Variants in SDC2 observed in about 807,000 individuals in gnomAD.
The protein encoded by SDC2 is syndecan 2.
In SDC2, 13 loss-of-function variants were observed where a neutral mutation model predicts 22.2. That is an observed-to-expected ratio of 0.59 (90% CI 0.38 to 0.93). SDC2 has a LOEUF of 0.93. SDC2 is among the 40% of genes least tolerant of loss of function. SDC2 has a pLI of 0.00. For missense variants in SDC2, 235 were observed against 246.8 expected (o/e 0.95, Z 0.32); for synonymous variants, 94 against 92.8 (o/e 1.01, Z -0.07).
chr8:96,601,179 C>T lies in SDC2; in HGVS notation c.173-1216C>T, dbSNP rs1219108772. Among the ~76,000 whole-genome samples the T allele has an allele frequency of 4.6e-5, 7 of 152,062 alleles. No homozygotes were observed. In the East Asian group the frequency reaches 7.7e-4, roughly 17 times the overall value. ...AGGAAGTTCTTCTACTAGAGGAAGGCGATTCTGAAGAGTGCCATTGGGTGC... is the reference window on the plus strand; with the variant it reads ...AGGAAGTTCTTCTACTAGAGGAAGGTGATTCTGAAGAGTGCCATTGGGTGC... On this transcript the variant is annotated intron_variant, in intron 2 of 4. Transcript: ENST00000302190.
Position 96,530,761 on chromosome 8 carries a change from T to G in SDC2, c.60+36430T>G, listed in dbSNP as rs551240048. On this transcript the variant is annotated intron_variant, in intron 1 of 4. Transcript: ENST00000302190. ...TAACAAATGAAGATAATAAGAAATATTGTTTTATATTGTTTATAAAGCACT... is the reference window on the plus strand; with the variant it reads ...TAACAAATGAAGATAATAAGAAATAGTGTTTTATATTGTTTATAAAGCACT... 2.7e-4 allele frequency among the ~76,000 whole-genome samples: 41 copies of G among 152,380 alleles called. 1 individual carries two copies. The South Asian group carries it at 8.3e-3, about 31-fold the overall frequency.
chr8:96,578,744 T>A (rs1814543422), intron 1 of SDC2, among the ~76,000 whole-genome samples: 1 of 152,160 alleles, frequency 6.6e-6, no homozygotes, highest in Non-Finnish European at 1.5e-5. Flanking sequence ...GATCAGCTAG[T>A]GTTAAGGAGT....
intron 1 of SDC2, among the ~76,000 whole-genome samples, chr8:96,581,788 C>T (rs542479628): frequency 9.9e-5 from 15 of 152,134 alleles, no homozygotes; most frequent in East Asian, 5.8e-4. Flanking sequence ...GCTTTGGCCA[C>T]GTGTCAGTTT....
In SDC2 at chr8:96,503,401, A is replaced by G. The variant is rs544757712; in HGVS notation, c.60+9070A>G. ...GAAGGGTATTTATAACTTAGAAACT[A>G]TAGTACACAAAAAGTTAGATATAAA... On this transcript the variant is annotated intron_variant, in intron 1 of 4. Coordinates refer to ENST00000302190, the MANE Select transcript of SDC2 (RefSeq NM_002998.4). Among the ~76,000 whole-genome samples the G allele has an allele frequency of 3.9e-5, 6 of 152,284 alleles. No homozygotes were observed. In the South Asian group the frequency reaches 1.0e-3, roughly 26 times the overall value.
chr8:96,498,673 T>G (rs1269112575), intron 1 of SDC2, among the ~76,000 whole-genome samples: 1 of 152,086 alleles, frequency 6.6e-6, no homozygotes, highest in Non-Finnish European at 1.5e-5. Flanking sequence ...GTATTTTTAG[T>G]AGGGATGGGG....
At chr8:96,533,410 A>G (rs1478793108) in intron 1 of SDC2, among the ~76,000 whole-genome samples, 1 of 152,200 alleles carries the variant, frequency 6.6e-6, no homozygotes, top group Non-Finnish European at 1.5e-5. Context: ...TCCCTGAGCT[A>G]GACACAAAAA....
intron 1 of SDC2, among the ~76,000 whole-genome samples, chr8:96,535,006 A>ATT (rs774258378): frequency 0.05 from 7,206 of 142,896 alleles, 537 homozygotes; most frequent in African/African-American, 0.17. Context: ...ATGCCAAACA[A>ATT]TTTTTTTTTT....
chr8:96,582,544 G>A (rs1814606070), intron 1 of SDC2, among the ~76,000 whole-genome samples: 1 of 152,164 alleles, frequency 6.6e-6, no homozygotes, highest in Non-Finnish European at 1.5e-5. Context: ...CAGGCTCCCA[G>A]TATAAGGAAC....
chr8:96,611,645 C>T lies in SDC2; in HGVS notation c.*2097C>T, dbSNP rs1815177324. ...GTGCAAAGCAGAGTGAAATTCAATT[C>T]ATAGAATAACAACTGCTGGGAATAT... On this transcript the variant is annotated 3_prime_UTR_variant, in exon 5 of 5. Coordinates refer to ENST00000302190, the MANE Select transcript of SDC2 (RefSeq NM_002998.4). 6.6e-6 allele frequency: 1 copy of T among 152,556 alleles called. No individual in the cohort carries two copies. Among genetic ancestry groups the T allele is most frequent in the Non-Finnish European group, 1.5e-5 (1 of 68,032 alleles). The allele number at this position is 152,556 out of a possible 1,614,324, so 9.5% of individuals were successfully genotyped here.
chr8:96,551,097 C>G (rs1485479358), intron 1 of SDC2, among the ~76,000 whole-genome samples: 3 of 152,180 alleles, frequency 2.0e-5, no homozygotes, highest in African/African-American at 4.8e-5. Context: ...AGATGGCTCT[C>G]CCTGGGGAGT....
chr8:96,543,678 T>C (rs970698921), intron 1 of SDC2, among the ~76,000 whole-genome samples: 14 of 152,194 alleles, frequency 9.2e-5, no homozygotes, highest in Non-Finnish European at 1.2e-4. Context: ...GCATCCTGTG[T>C]CTTTCCATTT....
At chr8:96,541,670 A>G (rs1287612065) in intron 1 of SDC2, among the ~76,000 whole-genome samples, 3 of 144,136 alleles carry the variant, frequency 2.1e-5, no homozygotes, top group African/African-American at 2.5e-5. Flanking sequence ...AGAAAGTACA[A>G]TGGCGGCTGC....
At chr8:96,522,910 ATTAGCTTTATACAAATGAG>A (rs1388581076) in intron 1 of SDC2, among the ~76,000 whole-genome samples, 1 of 152,148 alleles carries the variant, frequency 6.6e-6, no homozygotes, top group Non-Finnish European at 1.5e-5. Flanking sequence ...CTATTTCTGG[ATTAGCTTTATACAAATGAG>A]TGTATTTCCC....
chr8:96,609,156 A>T (rs1387906203), intron 4 of SDC2, among the ~76,000 whole-genome samples: 1 of 152,172 alleles, frequency 6.6e-6, no homozygotes, highest in Non-Finnish European at 1.5e-5. Context: ...TTTCTTATCG[A>T]GGTTTTTGGG....
chr8:96,567,720 T>C (rs1814323969), intron 1 of SDC2, among the ~76,000 whole-genome samples: 1 of 152,246 alleles, frequency 6.6e-6, no homozygotes, highest in South Asian at 2.1e-4. Flanking sequence ...TTAAGAATCA[T>C]AAGAATAATT....
intron 1 of SDC2, among the ~76,000 whole-genome samples, chr8:96,573,529 C>G (rs1373608422): frequency 6.6e-6 from 1 of 152,028 alleles, no homozygotes; most frequent in African/African-American, 2.4e-5. Context: ...CACAATTGCT[C>G]TACGAGGACA....
intron 3 of SDC2, 76 bp from the exon 4 acceptor site, chr8:96,608,259 A>G: frequency 6.8e-7 from 1 of 1,461,570 alleles, no homozygotes; most frequent in Non-Finnish European, 9.2e-7. Context: ...AAATTTTGGA[A>G]TATACTCATC....
chr8:96,571,678 T>A (rs2130584167), intron 1 of SDC2, among the ~76,000 whole-genome samples: 1 of 152,288 alleles, frequency 6.6e-6, no homozygotes, highest in South Asian at 2.1e-4. Flanking sequence ...CTTGCTGGCT[T>A]ACATACCACT....
rs1258541609 is a variant in SDC2, at chr8:96,494,345, G to A, written c.60+14G>A. The A allele has an allele frequency of 3.9e-6, 6 of 1,538,998 alleles. No individual in the cohort carries two copies. In the South Asian group the frequency reaches 7.2e-5, roughly 18 times the overall value. On this transcript the variant is annotated intron_variant, in intron 1 of 4. Transcript: ENST00000302190. ...TCGGCGGAGTCGGTGAGTGGGCCAG[G>A]CGGAGGATGCGCGCGCCGTTTAGGG... is the stretch of plus-strand genomic sequence containing the variant.
Sources: gnomAD v4.1 joint callset for allele counts (sites outside exome capture counted in the v4.1 genomes callset) on GRCh38, gnomAD v4.1.1 for gene constraint, MANE v1.5 for transcripts, NCBI Gene and HGNC (gene_info 2026-07-23, HGNC 2026-07-21) for gene names.